The following SCAI variants were observed in gnomAD, a reference collection of about 807,000 sequenced individuals.
The protein encoded by SCAI is suppressor of cancer cell invasion.
SCAI carries 24 observed loss-of-function variants against 92.2 expected under a neutral mutation model. The observed-to-expected ratio is 0.26, with a 90% CI of 0.19 to 0.37. The LOEUF is 0.37. SCAI is among the 10% of genes least tolerant of loss of function. SCAI has a pLI of 1.00. For synonymous variants in SCAI, 261 were observed against 258.6 expected (o/e 1.01, Z -0.09); for missense variants, 450 against 736.2 (o/e 0.61, Z 4.50).
intron 14 of SCAI, among the ~76,000 whole-genome samples, chr9:124,994,145 C>T (rs568313482): frequency 6.6e-6 from 1 of 151,988 alleles, no homozygotes; most frequent in Non-Finnish European, 1.5e-5. Flanking sequence ...AGTGAGTCTC[C>T]CGCCTCAGCC....
chr9:125,002,170 A>G (rs1832374658), intron 11 of SCAI, 127 bp from the exon 12 acceptor site: 1 of 666,844 alleles, frequency 1.5e-6, no homozygotes, highest in African/African-American at 1.8e-5. Context: ...TTCCAAGAGA[A>G]GAAACGCTCT....
At chr9:124,966,078 T>TA (rs1831534048) in intron 17 of SCAI, among the ~76,000 whole-genome samples, 3 of 152,206 alleles carry the variant, frequency 2.0e-5, no homozygotes, top group South Asian at 4.1e-4. Context: ...TTTATGCAGT[T>TA]ATGATTTTTT....
chr9:125,047,737 G>A (rs1833474883), intron 3 of SCAI, among the ~76,000 whole-genome samples: 1 of 152,166 alleles, frequency 6.6e-6, no homozygotes, highest in South Asian at 2.1e-4. Context: ...TAGTTAATCT[G>A]AACTGAAATG....
At chr9:125,142,715 CAT>C (rs1226208999) in intron 1 of SCAI, 38 bp from the exon 2 acceptor site, 3 of 1,585,470 alleles carry the variant, frequency 1.9e-6, no homozygotes, top group African/African-American at 2.7e-5. Context: ...CTAAAAGTAA[CAT>C]ACAAGAAAAC....
chr9:125,142,041 C>T (rs1835678917), intron 2 of SCAI, among the ~76,000 whole-genome samples: 1 of 152,200 alleles, frequency 6.6e-6, no homozygotes, highest in Admixed American at 6.5e-5. Context: ...AGCAATCCTC[C>T]CACCTCAGCC....
chr9:125,010,413 G>C (rs758369303), intron 9 of SCAI, among the ~76,000 whole-genome samples: 6 of 152,204 alleles, frequency 3.9e-5, no homozygotes, highest in Admixed American at 3.9e-4. Flanking sequence ...CTACACCCAC[G>C]GAGTCTCGCT....
intron 2 of SCAI, among the ~76,000 whole-genome samples, chr9:125,128,524 C>A (rs1239176456): frequency 6.6e-6 from 1 of 151,842 alleles, no homozygotes; most frequent in Non-Finnish European, 1.5e-5. Flanking sequence ...GAGTCCGAGG[C>A]GGGTGGATCA....
chr9:124,970,394 C>T (rs1329661806), intron 17 of SCAI, among the ~76,000 whole-genome samples: 1 of 151,672 alleles, frequency 6.6e-6, no homozygotes, highest in African/African-American at 2.4e-5. Flanking sequence ...ATACATGCTG[C>T]AAAACTACAA....
At chr9:125,031,353 C>A (rs781422172) in intron 3 of SCAI, among the ~76,000 whole-genome samples, 7 of 152,046 alleles carry the variant, frequency 4.6e-5, no homozygotes, top group Non-Finnish European at 8.8e-5. Context: ...GCTCCTCCTC[C>A]CAGGTTCATG....
intron 3 of SCAI, among the ~76,000 whole-genome samples, chr9:125,042,634 T>TGTGTGTGTAC (rs761672178): frequency 7.3e-5 from 7 of 96,216 alleles, no homozygotes; most frequent in African/African-American, 2.7e-4. Context: ...TGTGTGTGTG[T>TGTGTGTGTAC]ACACACACAC....
chr9:125,028,960 A>G (rs1833017866), intron 4 of SCAI, among the ~76,000 whole-genome samples: 1 of 151,386 alleles, frequency 6.6e-6, no homozygotes, highest in South Asian at 2.1e-4. Context: ...ACCATGCCCG[A>G]CTAATTTTTA....
chr9:125,057,665 G>A (rs892114462), intron 2 of SCAI, among the ~76,000 whole-genome samples: 1 of 152,320 alleles, frequency 6.6e-6, no homozygotes, highest in Middle Eastern at 3.4e-3. Context: ...GATGTTGAAG[G>A]CCGAGTGTGG....
At chr9:125,060,723 A>C (rs911210767) in intron 2 of SCAI, among the ~76,000 whole-genome samples, 2 of 152,160 alleles carry the variant, frequency 1.3e-5, no homozygotes, top group Non-Finnish European at 2.9e-5. Flanking sequence ...CCATGTAAGA[A>C]GCACCTTTCG....
intron 3 of SCAI, among the ~76,000 whole-genome samples, chr9:125,052,628 AAAAG>A (rs1004110644): frequency 6.6e-6 from 1 of 152,180 alleles, no homozygotes; most frequent in African/African-American, 2.4e-5. Flanking sequence ...CATCTCAAAA[AAAAG>A]AAAGAAAGAA....
chr9:125,126,628 A>G (rs1835286555), intron 2 of SCAI, among the ~76,000 whole-genome samples: 1 of 152,046 alleles, frequency 6.6e-6, no homozygotes, highest in Admixed American at 6.6e-5. Flanking sequence ...GGCAGAAACC[A>G]GTCTTTTAAA....
chr9:124,969,949 G>T (rs975741308), intron 17 of SCAI, among the ~76,000 whole-genome samples: 2 of 152,082 alleles, frequency 1.3e-5, no homozygotes, highest in African/African-American at 4.8e-5. Context: ...CGCCTCCTGG[G>T]TTCAGGCAAT....
chr9:125,075,693 G>C (rs1230301342), intron 2 of SCAI, among the ~76,000 whole-genome samples: 2 of 151,894 alleles, frequency 1.3e-5, no homozygotes, highest in Non-Finnish European at 2.9e-5. Flanking sequence ...AGCCTCCCAA[G>C]TAGCTGGGAT....
At chr9:124,959,002 A>C (rs2131575875) in intron 17 of SCAI, among the ~76,000 whole-genome samples, 1 of 152,074 alleles carries the variant, frequency 6.6e-6, no homozygotes, top group Non-Finnish European at 1.5e-5. Context: ...CAGAGAAGAA[A>C]AAACTCAGAT....
chr9:124,953,230 T>C (rs1831259159), intron 17 of SCAI, among the ~76,000 whole-genome samples: 1 of 152,216 alleles, frequency 6.6e-6, no homozygotes, highest in Admixed American at 6.5e-5. Context: ...CTGTATCACG[T>C]GGAAACCATA....
Sources: allele counts gnomAD v4.1 joint callset (sites outside exome capture counted in the v4.1 genomes callset), GRCh38; gene constraint gnomAD v4.1.1; transcripts MANE v1.5; gene names NCBI Gene and HGNC (gene_info 2026-07-23, HGNC 2026-07-21).